MATCAP2: variants seen among roughly 807,000 people sequenced by gnomAD.
MATCAP2 encodes the protein putative tyrosine carboxypeptidase MATCAP2.
At chr7:36,346,129 A>G in the MATCAP2 span, among the ~76,000 whole-genome samples, 6 of 151,510 alleles carry the variant, frequency 4.0e-5, no homozygotes, top group African/African-American at 9.7e-5. Context: ...TGTCTATAGG[A>G]AAAAAAAAGG....
chr7:36,366,031 G>A, the MATCAP2 span, among the ~76,000 whole-genome samples: 1 of 152,168 alleles, frequency 6.6e-6, no homozygotes, highest in African/African-American at 2.4e-5. Context: ...CTGGAAAGAG[G>A]TTTGGTTTTT....
the MATCAP2 span, among the ~76,000 whole-genome samples, chr7:36,379,876 A>AGAGAGAGAGAGAGAGAG: frequency 2.7e-5 from 4 of 149,550 alleles, no homozygotes; most frequent in South Asian, 2.1e-4. Flanking sequence ...AGAGAGAGAG[A>AGAGAGAGAGAGAGAGAG]ATATAAAGCC....
chr7:36,340,157 C>T, the MATCAP2 span, among the ~76,000 whole-genome samples: 13 of 152,170 alleles, frequency 8.5e-5, no homozygotes, highest in South Asian at 2.1e-4. Context: ...CATGAGCCAC[C>T]GCGCTTGGCC....
chr7:36,352,311 C>T, the MATCAP2 span, among the ~76,000 whole-genome samples: 15 of 148,958 alleles, frequency 1.0e-4, no homozygotes, highest in South Asian at 8.6e-4. Context: ...GCAGGAGAAT[C>T]GCTTGAACCC....
At chr7:36,326,205 A>G in the MATCAP2 span, 2 of 152,090 alleles carry the variant, frequency 1.3e-5, no homozygotes, top group Admixed American at 6.5e-5. Context: ...AAAATAAAAC[A>G]CTTAATGAAA....
At chr7:36,347,018 C>T in the MATCAP2 span, among the ~76,000 whole-genome samples, 1 of 152,206 alleles carries the variant, frequency 6.6e-6, no homozygotes, top group Non-Finnish European at 1.5e-5. Context: ...CTTGGCCCCC[C>T]AAAGTGCTGG....
At chr7:36,351,946 A>G in the MATCAP2 span, among the ~76,000 whole-genome samples, 1 of 150,462 alleles carries the variant, frequency 6.6e-6, no homozygotes, top group Non-Finnish European at 1.5e-5. Flanking sequence ...ATTGTTAAAA[A>G]AAAAAAAAAA....
chr7:36,353,550 A>G, the MATCAP2 span, among the ~76,000 whole-genome samples: 522 of 141,840 alleles, frequency 3.7e-3, 1 homozygote, highest in African/African-American at 0.013. Flanking sequence ...GTGCGATCTC[A>G]GCTCACTGTA....
the MATCAP2 span, among the ~76,000 whole-genome samples, chr7:36,328,407 T>G: frequency 6.6e-6 from 1 of 151,646 alleles, no homozygotes; most frequent in African/African-American, 2.4e-5. Context: ...AAAACTATAG[T>G]CTTCTGATCA....
the MATCAP2 span, among the ~76,000 whole-genome samples, chr7:36,333,476 C>G: frequency 3.3e-5 from 5 of 151,970 alleles, no homozygotes; most frequent in Non-Finnish European, 7.3e-5. Context: ...CTAAAAATCA[C>G]TGAACTCTAC....
chr7:36,346,443 C>T, the MATCAP2 span, among the ~76,000 whole-genome samples: 1 of 152,022 alleles, frequency 6.6e-6, no homozygotes, highest in Non-Finnish European at 1.5e-5. Context: ...TATTATTCAG[C>T]AATAAAAAAT....
chr7:36,357,148 C>A, the MATCAP2 span: 1 of 1,614,182 alleles, frequency 6.2e-7, no homozygotes, highest in Non-Finnish European at 8.5e-7. Flanking sequence ...AATGGCACCA[C>A]TTGACCTTGC....
chr7:36,339,057 G>C, the MATCAP2 span, among the ~76,000 whole-genome samples: 1 of 152,088 alleles, frequency 6.6e-6, no homozygotes, highest in East Asian at 1.9e-4. Flanking sequence ...CAACCACCGT[G>C]GACACATCTT....
At chr7:36,365,328 T>C in the MATCAP2 span, among the ~76,000 whole-genome samples, 3 of 152,142 alleles carry the variant, frequency 2.0e-5, no homozygotes, top group African/African-American at 7.2e-5. Flanking sequence ...CCCTGCCCAA[T>C]TGTGATTTTT....
At chr7:36,374,183 A>G in the MATCAP2 span, among the ~76,000 whole-genome samples, 1 of 151,782 alleles carries the variant, frequency 6.6e-6, no homozygotes, top group Non-Finnish European at 1.5e-5. Context: ...GGCTGAAGTG[A>G]TCCTCCCACC....
the MATCAP2 span, chr7:36,357,053 A>G: frequency 6.2e-7 from 1 of 1,614,196 alleles, no homozygotes; most frequent in Non-Finnish European, 8.5e-7. Context: ...TATAGCAGTC[A>G]ATATACAAAA....
the MATCAP2 span, among the ~76,000 whole-genome samples, chr7:36,332,863 G>T: frequency 6.6e-6 from 1 of 152,186 alleles, no homozygotes; most frequent in African/African-American, 2.4e-5. Flanking sequence ...GAAGGCAGAG[G>T]TTGCGGTGAG....
the MATCAP2 span, chr7:36,326,317 A>G: frequency 6.6e-6 from 1 of 152,368 alleles, no homozygotes; most frequent in Non-Finnish European, 1.5e-5. Flanking sequence ...ACACAAAACT[A>G]ATTTTTCAAA....
chr7:36,371,859 C>T, the MATCAP2 span, among the ~76,000 whole-genome samples: 1 of 151,814 alleles, frequency 6.6e-6, no homozygotes, highest in Non-Finnish European at 1.5e-5. Context: ...TCCTCCCACC[C>T]TGGCCTTCCA....
Sources: allele counts gnomAD v4.1 joint callset (sites outside exome capture counted in the v4.1 genomes callset), GRCh38; gene constraint gnomAD v4.1.1; transcripts MANE v1.5; gene names NCBI Gene and HGNC (gene_info 2026-07-23, HGNC 2026-07-21).